GPR85: variants seen among roughly 807,000 people sequenced by gnomAD.
GPR85 encodes probable G protein-coupled receptor 85.
In GPR85, 7 loss-of-function variants were observed where a neutral mutation model predicts 21.3. The ratio of observed to expected loss-of-function variants is 0.33; its 90% confidence interval spans 0.19 to 0.62. The LOEUF is 0.62. Among genes scored for constraint, GPR85 ranks in the 20% least tolerant of loss-of-function variants. GPR85 has a pLI of 0.80. For synonymous variants in GPR85, 167 were observed against 166.1 expected (o/e 1.01, Z -0.04); for missense variants, 299 against 443.8 (o/e 0.67, Z 2.93).
chr7:113,083,466 A>G lies in GPR85; in HGVS notation c.*143T>C. On this transcript the variant is annotated 3_prime_UTR_variant, in exon 3 of 3. Transcript: ENST00000424100. The surrounding 1 kb of genome is among the most constrained non-coding windows in gnomAD (Gnocchi z 4.4). ...TTTAAAATAGGATTATAGGTGAACT[A>G]TTGCAAAGACTGCAGAATGTTGCCC... The G allele has an allele frequency of 6.7e-6, 5 of 745,094 alleles. No homozygotes were observed. In the South Asian group the frequency reaches 8.9e-5, roughly 13 times the overall value. The allele number at this position is 745,094 out of a possible 1,614,324, so 46.2% of individuals were successfully genotyped here. A position where few individuals can be genotyped will look rare whatever the true frequency, so the allele number is the denominator to read the frequency against.
chr7:113,086,693 C>T lies in GPR85; in HGVS notation c.-660G>A, dbSNP rs1794315289. Among the ~76,000 whole-genome samples the T allele has an allele frequency of 6.6e-6, 1 of 152,040 alleles. No homozygotes were observed. Among genetic ancestry groups the T allele is most frequent in the Non-Finnish European group, 1.5e-5 (1 of 68,006 alleles). On this transcript the variant is annotated 5_prime_UTR_variant, in exon 1 of 3. Coordinates refer to ENST00000424100, the MANE Select transcript of GPR85 (RefSeq NM_001146267.2). ...TTATTGACTGCCCTGTCCAATCCAA[C>T]TGGCAGCATTAAGCTTTTGTCCCTT... is the stretch of plus-strand genomic sequence containing the variant.
Position 113,083,439 on chromosome 7 carries a change from G to C in GPR85, c.*170C>G, listed in dbSNP as rs1223670644. On this transcript the variant is annotated 3_prime_UTR_variant, in exon 3 of 3. Coordinates refer to ENST00000424100, the MANE Select transcript of GPR85 (RefSeq NM_001146267.2). The surrounding 1 kb of genome is among the most constrained non-coding windows in gnomAD (Gnocchi z 4.4). ...CTGGCAGTCAGCAGGATCACTCTGA[G>C]ATTTAAAATAGGATTATAGGTGAAC... 1.2e-5 allele frequency: 8 copies of C among 644,286 alleles called. No individual in the cohort carries two copies. Among genetic ancestry groups the C allele is most frequent in the Admixed American group, 5.8e-5 (2 of 34,636 alleles). 39.9% of individuals were successfully genotyped at this position (644,286 alleles called of 1,614,324 possible).
In GPR85 at chr7:113,084,800, A is replaced by G. The variant is rs1794230922; in HGVS notation, c.-79T>C. ...AAGAACAAGGAAAAGATAGATCCAT[A>G]CATTTTACTGAAAATATAATCCACA... is the stretch of plus-strand genomic sequence containing the variant. On this transcript the variant is annotated 5_prime_UTR_variant, in exon 3 of 3. Coordinates refer to ENST00000424100, the MANE Select transcript of GPR85 (RefSeq NM_001146267.2). The G allele has an allele frequency of 3.0e-6, 3 of 1,006,564 alleles. No homozygotes were observed. Among genetic ancestry groups the G allele is most frequent in the South Asian group, 3.3e-5 (2 of 59,806 alleles). The allele number at this position is 1,006,564 out of a possible 1,614,324, so 62.4% of individuals were successfully genotyped here. A position where few individuals can be genotyped will look rare whatever the true frequency, so the allele number is the denominator to read the frequency against.
upstream of GPR85, among the ~76,000 whole-genome samples, chr7:113,086,903 CT>C (rs1030808515): frequency 6.7e-6 from 1 of 149,640 alleles, no homozygotes; most frequent in African/African-American, 2.5e-5. Context: ...CTTCCCTTTT[CT>C]TTTAGGGTGG....
rs869225759 is a variant in GPR85 at position 113,086,396 on chromosome 7, CTTTTTTTTT to C, written c.-372_-364del. On this transcript the variant is annotated 5_prime_UTR_variant, in exon 1 of 3. Coordinates refer to ENST00000424100, the MANE Select transcript of GPR85 (RefSeq NM_001146267.2). ...CTGATTTTTTTCTTTTTTTCTTTTT[CTTTTTTTTT>C]TTTTTTTTTTTGTTTTTTGTTTTTT... 3 of 48,062 alleles carry C rather than the reference CTTTTTTTTT, an allele frequency of 6.2e-5. No individual in the cohort carries two copies. The highest frequency in any genetic ancestry group is 3.6e-4 in the Admixed American group (1 of 2,776). 3.0% of individuals were successfully genotyped at this position (48,062 alleles called of 1,614,324 possible). A position where few individuals can be genotyped will look rare whatever the true frequency, so the allele number is the denominator to read the frequency against.
Position 113,086,404 on chromosome 7 carries a change from T to A in GPR85, c.-371A>T. ...TTTCTTTTTTTCTTTTTCTTTTTTT[T>A]TTTTTTTTTTTTGTTTTTTGTTTTT... On this transcript the variant is annotated 5_prime_UTR_variant, in exon 1 of 3. An upstream open reading frame in the 5' UTR gains an earlier in-frame stop. Transcript: ENST00000424100. 1.1e-5 allele frequency: 1 copy of A among 93,740 alleles called. No individual in the cohort carries two copies. Among genetic ancestry groups the A allele is most frequent in the Non-Finnish European group, 2.1e-5 (1 of 47,902 alleles). 5.8% of individuals were successfully genotyped at this position (93,740 alleles called of 1,614,324 possible).
rs1292357422 is a variant in GPR85, at chr7:113,082,546, A to T, written c.*1063T>A. ...CTCCCCTTGACAGCTGACTTAAAATATAAACATACATCAACTGCCTGCTTC... is the reference window on the plus strand; with the variant it reads ...CTCCCCTTGACAGCTGACTTAAAATTTAAACATACATCAACTGCCTGCTTC... On this transcript the variant is annotated 3_prime_UTR_variant, in exon 3 of 3. Transcript: ENST00000424100. 6.6e-6 allele frequency: 1 copy of T among 152,638 alleles called. No homozygotes were observed. Among genetic ancestry groups the T allele is most frequent in the African/African-American group, 2.4e-5 (1 of 41,456 alleles). 9.5% of individuals were successfully genotyped at this position (152,638 alleles called of 1,614,324 possible). A position where few individuals can be genotyped will look rare whatever the true frequency, so the allele number is the denominator to read the frequency against.
In GPR85 at chr7:113,084,853, G is replaced by C; in HGVS notation, c.-132C>G. On this transcript the variant is annotated 5_prime_UTR_variant, in exon 3 of 3. Coordinates refer to ENST00000424100, the MANE Select transcript of GPR85 (RefSeq NM_001146267.2). ...GAGAACTGATCTGATCTGCAGTCAT[G>C]CTTCCTCTTTTCTTCCACTTGTTTT... is the stretch of plus-strand genomic sequence containing the variant. 2.0e-6 allele frequency: 1 copy of C among 504,552 alleles called. No homozygotes were observed. The highest frequency in any genetic ancestry group is 3.4e-6 in the Non-Finnish European group (1 of 293,626). The allele number at this position is 504,552 out of a possible 1,614,324, so 31.3% of individuals were successfully genotyped here.
chr7:113,087,215 A>C (rs1794333302), upstream of GPR85, among the ~76,000 whole-genome samples: 1 of 152,170 alleles, frequency 6.6e-6, no homozygotes, highest in South Asian at 2.1e-4. Context: ...ATTTACATTC[A>C]GTCTACCTTA....
Position 113,086,374 on chromosome 7 carries a change from AT to A in GPR85, c.-342del, listed in dbSNP as rs1310177206. On this transcript the variant is annotated 5_prime_UTR_variant, in exon 1 of 3. The change abolishes the stop of an existing upstream ORF in the 5' untranslated region. Transcript: ENST00000424100. ...TATAGCTTCTTTCTATAAATTGCTG[AT>A]TTTTTTCTTTTTTTCTTTTTCTTTT... 4.6e-5 allele frequency: 2 copies of A among 43,020 alleles called. No individual in the cohort carries two copies. Among genetic ancestry groups the A allele is most frequent in the African/African-American group, 8.6e-5 (1 of 11,594 alleles). The allele number at this position is 43,020 out of a possible 1,614,324, so 2.7% of individuals were successfully genotyped here. A position where few individuals can be genotyped will look rare whatever the true frequency, so the allele number is the denominator to read the frequency against.
rs1794289140 is a variant in GPR85, at chr7:113,086,402, T to TTTTTTTTTTC, written c.-370_-369insGAAAAAAAAA. 1 of 91,278 alleles carries TTTTTTTTTTC rather than the reference T, an allele frequency of 1.1e-5. No homozygotes were observed. The highest frequency in any genetic ancestry group is 2.1e-5 in the Non-Finnish European group (1 of 46,984). The allele number at this position is 91,278 out of a possible 1,614,324, so 5.7% of individuals were successfully genotyped here. On this transcript the variant is annotated 5_prime_UTR_variant, in exon 1 of 3. It introduces an in-frame stop codon into an upstream open reading frame of the 5' UTR. Transcript: ENST00000424100. Reference sequence around the variant, plus strand: ...TTTTTCTTTTTTTCTTTTTCTTTTTTTTTTTTTTTTTTTTGTTTTTTGTTT... The same window carrying TTTTTTTTTTC: ...TTTTTCTTTTTTTCTTTTTCTTTTTTTTTTTTTTTCTTTTTTTTTTTTTTGTTTTTTGTTT...
At position 113,083,626 on chromosome 7, in the gene GPR85, G is replaced by A. The variant is rs753641799; in HGVS notation, c.1096C>T (p.Pro366Ser). The stretch of plus-strand genomic sequence containing the variant: ...ATGCTCCCTCATATAACACAGTAAG[G>A]TTCCCTTGGTAACCTGGATTTTCTG... The part of the protein sequence containing the change: ...YCRKSRLPRE[P>S]YCVI Residue 366 changes from proline (P) to serine (S), a missense_variant, in exon 3 of 3, where the codon CCT (proline) becomes TCT (serine). Physicochemically the swap from Pro to Ser is moderately conservative, Grantham distance 74. Transcript: ENST00000424100. The surrounding 1 kb of genome is among the most constrained non-coding windows in gnomAD (Gnocchi z 4.4). 2.5e-6 allele frequency: 4 copies of A among 1,613,606 alleles called. No homozygotes were observed. The East Asian group carries it at 6.7e-5, about 27-fold the overall frequency.
chr7:113,086,781 A>G lies in GPR85; in HGVS notation c.-748T>C, dbSNP rs557010012. ...AGTGGGGGGCTGGAAAGGCCCTTTC[A>G]GGACCTCAGGCCCATCCTCTTCCCA... On this transcript the variant is annotated 5_prime_UTR_variant, in exon 1 of 3. The change abolishes the stop of an existing upstream ORF in the 5' untranslated region. Coordinates refer to ENST00000424100, the MANE Select transcript of GPR85 (RefSeq NM_001146267.2). Among the ~76,000 whole-genome samples the G allele has an allele frequency of 2.0e-3, 308 of 152,132 alleles. 2 individuals are homozygous for G. The highest frequency in any genetic ancestry group is 7.2e-3 in the African/African-American group (298 of 41,526).
rs758412551 is a variant in GPR85 at position 113,083,653 on chromosome 7, A to G, written c.1069T>C (p.Cys357Arg). The G allele has an allele frequency of 9.3e-6, 15 of 1,613,976 alleles. No individual in the cohort carries two copies. The South Asian group carries it at 1.6e-4, about 18-fold the overall frequency. Reference sequence around the variant, plus strand: ...TCCCTTGGTAACCTGGATTTTCTGCAGTAAAGAAGGGTTGTGCTGAAACAG... The same window carrying G: ...TCCCTTGGTAACCTGGATTTTCTGCGGTAAAGAAGGGTTGTGCTGAAACAG... ...RRCFSTTLLY[C>R]RKSRLPREPY... Residue 357 changes from cysteine (C) to arginine (R), a missense_variant, in exon 3 of 3, where the codon TGC becomes CGC. This residue lies in a region of GPR85 where 198 missense variants were observed against 335.4 expected (regional missense o/e 0.59). Coordinates refer to ENST00000424100, the MANE Select transcript of GPR85 (RefSeq NM_001146267.2). The surrounding 1 kb of genome is among the most constrained non-coding windows in gnomAD (Gnocchi z 4.4).
chr7:113,084,891 T>C lies in GPR85; in HGVS notation c.-170A>G, dbSNP rs1794232941. The C allele has an allele frequency of 1.5e-5, 5 of 322,840 alleles. No homozygotes were observed. The highest frequency in any genetic ancestry group is 7.8e-5 in the South Asian group (1 of 12,826). The allele number at this position is 322,840 out of a possible 1,614,324, so 20.0% of individuals were successfully genotyped here. Reference sequence around the variant, plus strand: ...TTCCACTTGTTTTGCCATCAGAATATCTGAAAAAAAAAAAAAAAAAAACCT... The same window carrying C: ...TTCCACTTGTTTTGCCATCAGAATACCTGAAAAAAAAAAAAAAAAAAACCT... On this transcript the variant is annotated splice_region_variant and 5_prime_UTR_variant, in exon 3 of 3. Coordinates refer to ENST00000424100, the MANE Select transcript of GPR85 (RefSeq NM_001146267.2).
At position 113,086,408 on chromosome 7, in the gene GPR85, T is replaced by TTTTTTG. The variant is rs1794292175; in HGVS notation, c.-376_-375insCAAAAA. On this transcript the variant is annotated 5_prime_UTR_variant, in exon 1 of 3. Transcript: ENST00000424100. ...TTTTTTTCTTTTTCTTTTTTTTTTT[T>TTTTTTG]TTTTTTTTGTTTTTTGTTTTTTTTT... is the stretch of plus-strand genomic sequence containing the variant. 31 of 94,246 alleles carry TTTTTTG rather than the reference T, an allele frequency of 3.3e-4. 1 individual carries two copies. The highest frequency in any genetic ancestry group is 2.0e-3 in the South Asian group (6 of 2,962). 5.8% of individuals were successfully genotyped at this position (94,246 alleles called of 1,614,324 possible).
intron 2 of GPR85, among the ~76,000 whole-genome samples, chr7:113,085,259 A>G (rs1053084380): frequency 3.3e-5 from 5 of 152,138 alleles, no homozygotes; most frequent in Admixed American, 6.5e-5. Flanking sequence ...TTTATTTGAG[A>G]TCTATTAGTA....
rs1356058536 is a variant in GPR85, at chr7:113,084,535, A to C, written c.187T>G (p.Cys63Gly). 6.2e-7 allele frequency: 1 copy of C among 1,613,204 alleles called. No individual in the cohort carries two copies. Among genetic ancestry groups the C allele is most frequent in the African/African-American group, 1.3e-5 (1 of 74,928 alleles). ...GCAGATCTGAGGATATCTGAACAGC[A>C]AAGATCCAACAGGAAGTAGTAAGGT... ...RAPYYFLLDL[C>G]CSDILRSAIC... The change falls in exon 3 of 3, where the codon TGC (cysteine) becomes GGC (glycine). Residue 63 changes from cysteine (C) to glycine (G), a missense_variant. By Grantham distance (159) the Cys-to-Gly change is radical (BLOSUM62 -3). Around this residue, in one of 2 missense-constraint regions of GPR85, gnomAD observed 101 missense variants for 108.4 expected, o/e 0.93. Coordinates refer to ENST00000424100, the MANE Select transcript of GPR85 (RefSeq NM_001146267.2).
rs1794287938 is a variant in GPR85, at chr7:113,086,400, T to TTTTTTTTTG, written c.-368_-367insCAAAAAAAA. On this transcript the variant is annotated 5_prime_UTR_variant, in exon 1 of 3. Coordinates refer to ENST00000424100, the MANE Select transcript of GPR85 (RefSeq NM_001146267.2). ...TTTTTTTCTTTTTTTCTTTTTCTTT[T>TTTTTTTTTG]TTTTTTTTTTTTTTTTGTTTTTTGT... 2.3e-5 allele frequency: 2 copies of TTTTTTTTTG among 85,312 alleles called. No individual in the cohort carries two copies. Among genetic ancestry groups the TTTTTTTTTG allele is most frequent in the Admixed American group, 1.3e-4 (1 of 7,484 alleles). 5.3% of individuals were successfully genotyped at this position (85,312 alleles called of 1,614,324 possible). A position where few individuals can be genotyped will look rare whatever the true frequency, so the allele number is the denominator to read the frequency against.
Sources: gnomAD v4.1 joint callset for allele counts (sites outside exome capture counted in the v4.1 genomes callset) on GRCh38, gnomAD v4.1.1 for gene constraint, gnomAD v4.1.1 regional missense constraint, Gnocchi (gnomAD v3.1) non-coding constraint, MANE v1.5 for transcripts, NCBI Gene and HGNC (gene_info 2026-07-23, HGNC 2026-07-21) for gene names.